HPSE2: variants seen among roughly 807,000 people sequenced by gnomAD.
The protein encoded by HPSE2 is heparanase 2 (inactive).
In HPSE2, 38 loss-of-function variants were observed where a neutral mutation model predicts 60.5. That is an observed-to-expected ratio of 0.63 (90% confidence interval 0.48 to 0.82). The LOEUF is 0.82. Among genes scored for constraint, HPSE2 ranks in the 40% least tolerant of loss-of-function variants. The pLI is 0.00. For synonymous variants in HPSE2, 295 were observed against 293.2 expected, an observed-to-expected ratio of 1.01 and a Z score of -0.06; for missense variants, 713 against 740.4, an observed-to-expected ratio of 0.96 and a Z score of 0.43.
intron 3 of HPSE2, among the ~76,000 whole-genome samples, chr10:98,963,347 A>G (rs1955730680): frequency 6.6e-6 from 1 of 152,216 alleles, no homozygotes; most frequent in Non-Finnish European, 1.5e-5. Context: ...CCACACCTGC[A>G]GATGACTGCT....
intron 4 of HPSE2, among the ~76,000 whole-genome samples, chr10:98,725,779 A>T (rs1357899048): frequency 1.3e-5 from 2 of 152,220 alleles, no homozygotes; most frequent in Non-Finnish European, 2.9e-5. Flanking sequence ...CAATGAACTC[A>T]AACAAATTTG....
intron 6 of HPSE2, among the ~76,000 whole-genome samples, chr10:98,680,786 C>T (rs1045286072): frequency 1.3e-5 from 2 of 152,092 alleles, no homozygotes; most frequent in African/African-American, 4.8e-5. Context: ...GACAGGATCT[C>T]ACTCTGTCAT....
intron 5 of HPSE2, among the ~76,000 whole-genome samples, chr10:98,697,544 A>G (rs1200261630): frequency 6.6e-6 from 1 of 152,214 alleles, no homozygotes; most frequent in African/African-American, 2.4e-5. Context: ...GGAGTACCTG[A>G]AAGAGACGGG....
At chr10:99,257,326 C>A in the HPSE2 span, among the ~76,000 whole-genome samples, 1 of 152,166 alleles carries the variant, frequency 6.6e-6, no homozygotes, top group Non-Finnish European at 1.5e-5. Flanking sequence ...CAGAACAGAG[C>A]CATATTTCTC....
At chr10:98,669,441 C>G (rs1170637992) in intron 6 of HPSE2, among the ~76,000 whole-genome samples, 1 of 152,214 alleles carries the variant, frequency 6.6e-6, no homozygotes, top group African/African-American at 2.4e-5. Flanking sequence ...CTTCTATGTT[C>G]ATGGCTGCAT....
intron 3 of HPSE2, among the ~76,000 whole-genome samples, chr10:98,777,572 A>G (rs1310430100): frequency 6.6e-6 from 1 of 152,196 alleles, no homozygotes; most frequent in Non-Finnish European, 1.5e-5. Context: ...TACCCTTTTA[A>G]AAACAGGATG....
chr10:98,717,820 T>A, intron 5 of HPSE2, among the ~76,000 whole-genome samples: 1 of 152,164 alleles, frequency 6.6e-6, no homozygotes, highest in East Asian at 1.9e-4. Context: ...ACTACAAACC[T>A]TCAATTTATA....
At chr10:98,899,141 G>C (rs747433037) in intron 3 of HPSE2, among the ~76,000 whole-genome samples, 49 of 152,192 alleles carry the variant, frequency 3.2e-4, no homozygotes, top group Non-Finnish European at 6.3e-4. Flanking sequence ...CTTCGTTCCA[G>C]CAATTCTGTG....
At chr10:98,515,022 C>A (rs1043956094) in intron 9 of HPSE2, among the ~76,000 whole-genome samples, 9 of 152,162 alleles carry the variant, frequency 5.9e-5, no homozygotes, top group Non-Finnish European at 1.3e-4. Flanking sequence ...CCGCGCCCAG[C>A]CCGTTATATA....
intron 2 of HPSE2, among the ~76,000 whole-genome samples, chr10:99,145,404 C>T (rs533554406): frequency 6.6e-6 from 1 of 151,126 alleles, no homozygotes; most frequent in South Asian, 2.1e-4. Context: ...TGCAGTGAGC[C>T]GAGATTGCAC....
chr10:98,817,364 C>G (rs942287639), intron 3 of HPSE2, among the ~76,000 whole-genome samples: 7 of 152,148 alleles, frequency 4.6e-5, no homozygotes, highest in Admixed American at 3.3e-4. Flanking sequence ...AAAGATACTT[C>G]AGAATTACAA....
At chr10:98,799,716 A>G (rs1210016433) in intron 3 of HPSE2, among the ~76,000 whole-genome samples, 2 of 152,178 alleles carry the variant, frequency 1.3e-5, no homozygotes, top group Admixed American at 1.3e-4. Flanking sequence ...AGAAAATTGC[A>G]AAATTTCTTG....
intron 3 of HPSE2, among the ~76,000 whole-genome samples, chr10:99,028,921 T>C (rs1345314351): frequency 4.6e-5 from 7 of 152,136 alleles, no homozygotes; most frequent in Admixed American, 4.6e-4. Flanking sequence ...CTGAGAAAAG[T>C]GAATGTCCAT....
intron 3 of HPSE2, among the ~76,000 whole-genome samples, chr10:98,867,497 C>T (rs1018521998): frequency 6.6e-5 from 10 of 152,064 alleles, no homozygotes; most frequent in African/African-American, 1.9e-4. Flanking sequence ...CAGGCAATAA[C>T]AAATGCTGAC....
intron 9 of HPSE2, among the ~76,000 whole-genome samples, chr10:98,496,881 G>A (rs1414227675): frequency 7.3e-5 from 11 of 150,948 alleles, no homozygotes; most frequent in Non-Finnish European, 1.3e-4. Flanking sequence ...ATGGTTTTTT[G>A]ACATGGAGAA....
chr10:99,155,867 A>G (rs1007911589), intron 2 of HPSE2, among the ~76,000 whole-genome samples: 2 of 151,834 alleles, frequency 1.3e-5, no homozygotes, highest in African/African-American at 4.8e-5. Context: ...CAAGACTAAT[A>G]AAGAAAAAAA....
chr10:99,197,237 G>A (rs891642845), intron 2 of HPSE2, among the ~76,000 whole-genome samples: 3 of 152,260 alleles, frequency 2.0e-5, no homozygotes, highest in Admixed American at 6.5e-5. Flanking sequence ...GTCATGGGGG[G>A]TTGGCAGGGA....
chr10:99,249,958 A>G, the HPSE2 span, among the ~76,000 whole-genome samples: 1 of 152,084 alleles, frequency 6.6e-6, no homozygotes, highest in African/African-American at 2.4e-5. Flanking sequence ...CCTGGCCAAC[A>G]TGGTGAAACC....
chr10:99,209,996 G>GT (rs1848902108), intron 2 of HPSE2, among the ~76,000 whole-genome samples: 1 of 152,198 alleles, frequency 6.6e-6, no homozygotes, highest in Non-Finnish European at 1.5e-5. Context: ...CCTTAGAGCT[G>GT]TTTTTTTGAA....
Sources: gnomAD v4.1 joint callset for allele counts (sites outside exome capture counted in the v4.1 genomes callset) on GRCh38, gnomAD v4.1.1 for gene constraint, MANE v1.5 for transcripts, NCBI Gene and HGNC (gene_info 2026-07-23, HGNC 2026-07-21) for gene names.